ECPAS: variants seen among roughly 807,000 people sequenced by gnomAD.
ECPAS encodes the protein Ecm29 proteasome adaptor and scaffold.
ECPAS carries 70 observed loss-of-function variants against 255.1 expected under a neutral mutation model. The ratio of observed to expected loss-of-function variants is 0.27; its 90% CI spans 0.23 to 0.33. ECPAS has a LOEUF of 0.33. ECPAS is among the 10% of genes least tolerant of loss of function. ECPAS has a pLI of 1.00. For synonymous variants in ECPAS, 784 were observed against 775.0 expected, an observed-to-expected ratio of 1.01 and a Z score of -0.19; for missense variants, 1,817 against 2,206.4, an observed-to-expected ratio of 0.82 and a Z score of 3.54.
At chr9:111,414,038 C>G (rs1022606594) in intron 19 of ECPAS, 52 bp from the exon 20 acceptor site, 2 of 1,212,048 alleles carry the variant, frequency 1.7e-6, no homozygotes, top group Non-Finnish European at 2.3e-6. Flanking sequence ...AATGAACATA[C>G]AGGGATCACT....
At chr9:111,391,620 A>G in intron 29 of ECPAS, 136 bp downstream of exon 29, 1 of 605,436 alleles carries the variant, frequency 1.7e-6, no homozygotes, top group South Asian at 2.4e-5. Flanking sequence ...TTTCCATGTA[A>G]GTTTTCTTCT....
At chr9:111,401,990 G>A (rs1484267992) in intron 24 of ECPAS, among the ~76,000 whole-genome samples, 3 of 152,130 alleles carry the variant, frequency 2.0e-5, no homozygotes, top group Admixed American at 6.5e-5. Context: ...ACAGGGTCCT[G>A]ACATACATCC....
At chr9:111,404,474 A>G (rs1167807593) in intron 24 of ECPAS, among the ~76,000 whole-genome samples, 3 of 145,980 alleles carry the variant, frequency 2.1e-5, no homozygotes, top group Non-Finnish European at 4.5e-5. Flanking sequence ...GTAATCCCCA[A>G]TGTTGGAGGA....
intron 2 of ECPAS, among the ~76,000 whole-genome samples, chr9:111,460,006 A>G (rs982158695): frequency 7.2e-5 from 11 of 152,208 alleles, no homozygotes; most frequent in African/African-American, 2.4e-4. Flanking sequence ...CAAATAAAAG[A>G]TATTTCTCAT....
intron 3 of ECPAS, among the ~76,000 whole-genome samples, chr9:111,448,338 C>T (rs1487264674): frequency 2.0e-5 from 3 of 151,508 alleles, no homozygotes; most frequent in Non-Finnish European, 4.4e-5. Context: ...ATCAAGCAGA[C>T]AGAAGGAAAA....
chr9:111,415,437 C>T (rs1270607720), intron 18 of ECPAS, among the ~76,000 whole-genome samples: 2 of 152,182 alleles, frequency 1.3e-5, no homozygotes, highest in African/African-American at 2.4e-5. Flanking sequence ...CAGTGGCTCA[C>T]GCCTGTAATC....
intron 36 of ECPAS, among the ~76,000 whole-genome samples, chr9:111,377,416 T>C (rs1007336519): frequency 1.3e-5 from 2 of 151,054 alleles, no homozygotes; most frequent in African/African-American, 4.9e-5. Context: ...AGGAAAAGAG[T>C]GCAAATCAGA....
chr9:111,408,716 T>C, intron 23 of ECPAS, 44 bp from the exon 24 acceptor site: 2 of 1,210,438 alleles, frequency 1.7e-6, no homozygotes, highest in Non-Finnish European at 2.3e-6. Context: ...GAGTATATAA[T>C]AGCTTTACCC....
intron 37 of ECPAS, among the ~76,000 whole-genome samples, chr9:111,375,864 T>C (rs1440681268): frequency 6.6e-6 from 1 of 152,160 alleles, no homozygotes; most frequent in Non-Finnish European, 1.5e-5. Context: ...GTTGGATCTA[T>C]ACCTTCAGAG....
intron 48 of ECPAS, 76 bp downstream of exon 48, chr9:111,366,163 G>A (rs1332560618): frequency 2.1e-6 from 2 of 957,662 alleles, no homozygotes; most frequent in Admixed American, 2.2e-5. Context: ...CTAAGACAAA[G>A]TAGGAAATAT....
At chr9:111,479,094 C>G (rs1168219086) in intron 1 of ECPAS, among the ~76,000 whole-genome samples, 1 of 152,004 alleles carries the variant, frequency 6.6e-6, no homozygotes, top group Non-Finnish European at 1.5e-5. Flanking sequence ...ACCCAGGGGA[C>G]CTAAGAAGCC....
chr9:111,375,679 T>C (rs533235856), intron 37 of ECPAS, among the ~76,000 whole-genome samples: 2 of 152,286 alleles, frequency 1.3e-5, no homozygotes, highest in African/African-American at 2.4e-5. Context: ...TATAACTAAA[T>C]GGTATTCACT....
intron 1 of ECPAS, 87 bp downstream of exon 1, chr9:111,484,029 C>T: frequency 1.9e-6 from 2 of 1,048,846 alleles, no homozygotes; most frequent in South Asian, 8.8e-5. Flanking sequence ...GGACTCGACA[C>T]GCGGCGGCCT....
chr9:111,467,658 T>C (rs1464467839), intron 2 of ECPAS, among the ~76,000 whole-genome samples: 2 of 152,220 alleles, frequency 1.3e-5, no homozygotes, highest in African/African-American at 4.8e-5. Flanking sequence ...ACACGATATT[T>C]TTTAAAAGAT....
chr9:111,397,230 TAA>T, intron 24 of ECPAS, 77 bp from the exon 25 acceptor site: 1 of 1,566,416 alleles, frequency 6.4e-7, no homozygotes, highest in Admixed American at 1.7e-5. Flanking sequence ...AAAGCCTGCT[TAA>T]AAGTGTGGTT....
At chr9:111,449,405 T>C (rs2098257332) in intron 3 of ECPAS, among the ~76,000 whole-genome samples, 1 of 152,066 alleles carries the variant, frequency 6.6e-6, no homozygotes, top group South Asian at 2.1e-4. Flanking sequence ...TAAAATTATG[T>C]GAGAGAGATA....
intron 8 of ECPAS, 43 bp from the exon 9 acceptor site, chr9:111,430,671 C>A: frequency 7.5e-7 from 1 of 1,341,168 alleles, no homozygotes; most frequent in Non-Finnish European, 1.0e-6. Context: ...TATTTTTCCC[C>A]CTCCTTCAGT....
intron 24 of ECPAS, among the ~76,000 whole-genome samples, chr9:111,407,071 AAGT>A (rs1471077082): frequency 6.8e-6 from 1 of 147,602 alleles, no homozygotes; most frequent in Non-Finnish European, 1.5e-5. Context: ...ATGGCATTAA[AAGT>A]AAGTTAAGAA....
intron 16 of ECPAS, among the ~76,000 whole-genome samples, chr9:111,419,280 C>T (rs1445143344): frequency 6.6e-6 from 1 of 152,050 alleles, no homozygotes; most frequent in African/African-American, 2.4e-5. Context: ...AAAAGAAAAA[C>T]ATATACAAGA....
Sources: gnomAD v4.1 joint callset for allele counts (sites outside exome capture counted in the v4.1 genomes callset) on GRCh38, gnomAD v4.1.1 for gene constraint, MANE v1.5 for transcripts, NCBI Gene and HGNC (gene_info 2026-07-23, HGNC 2026-07-21) for gene names.